HTRA3: variants seen among roughly 807,000 people sequenced by gnomAD.
The protein encoded by HTRA3 is HtrA serine peptidase 3.
In HTRA3, 41 loss-of-function variants were observed where a neutral mutation model predicts 43.2. That is an observed-to-expected ratio of 0.95 (90% CI 0.74 to 1.23). The LOEUF is 1.23. Among genes scored for constraint, HTRA3 ranks in the 50% most tolerant of loss-of-function variants. The pLI is 0.00. For missense variants in HTRA3, 628 were observed against 647.1 expected, an observed-to-expected ratio of 0.97 and a Z score of 0.32; for synonymous variants, 295 against 287.9, an observed-to-expected ratio of 1.02 and a Z score of -0.25.
chr4:8,275,844 G>C (rs1346529584), intron 1 of HTRA3, among the ~76,000 whole-genome samples: 1 of 152,224 alleles, frequency 6.6e-6, no homozygotes, highest in Non-Finnish European at 1.5e-5. Context: ...GGTCACTCAG[G>C]TAGGGATGGA....
At position 8,307,062 on chromosome 4, in the gene HTRA3, T is replaced by G. The variant is rs1198432095; in HGVS notation, c.*926T>G. 6.5e-6 allele frequency: 1 copy of G among 152,676 alleles called. No homozygotes were observed. Among genetic ancestry groups the G allele is most frequent in the East Asian group, 1.9e-4 (1 of 5,188 alleles). 9.5% of individuals were successfully genotyped at this position (152,676 alleles called of 1,614,324 possible). On this transcript the variant is annotated 3_prime_UTR_variant, in exon 9 of 9. Coordinates refer to ENST00000307358, the MANE Select transcript of HTRA3 (RefSeq NM_053044.5). This position sits in a 1 kb window ranked among gnomAD's most constrained non-coding sequence, Gnocchi z 6.1. Reference sequence around the variant, plus strand: ...TTCCCAGTGTTGCTTGTACTGTATGTTTCTCTACTGTATGGAAAATAAAGT... The same window carrying G: ...TTCCCAGTGTTGCTTGTACTGTATGGTTCTCTACTGTATGGAAAATAAAGT...
Position 8,286,761 on chromosome 4 carries a change from C to A in HTRA3, c.686C>A (p.Ala229Asp). The change falls in exon 3 of 9, where the codon GCC (alanine) becomes GAC (aspartate). Residue 229 changes from alanine to aspartate, a missense_variant. Physicochemically the swap from Ala to Asp is moderately radical, Grantham distance 126. Coordinates refer to ENST00000307358, the MANE Select transcript of HTRA3 (RefSeq NM_053044.5). This position sits in a 1 kb window ranked among gnomAD's most constrained non-coding sequence, Gnocchi z 4.9. ...IKDIDKKSDIATIKIHPKKKL... is the reference protein window; with the variant it reads ...IKDIDKKSDIDTIKIHPKKKL... ...GACATCGACAAGAAGTCGGACATTG[C>A]CACCATCAAGATCCATCCCAAGGTG... 1.2e-6 allele frequency: 2 copies of A among 1,613,820 alleles called. No homozygotes were observed. The highest frequency in any genetic ancestry group is 2.2e-5 in the South Asian group (2 of 91,072).
intron 7 of HTRA3, 46 bp downstream of exon 7, chr4:8,302,557 C>A: frequency 6.3e-7 from 1 of 1,586,660 alleles, no homozygotes; most frequent in Non-Finnish European, 8.7e-7. Context: ...TTCCTCTCAT[C>A]CCTCACCCTG....
intron 4 of HTRA3, 47 bp from the exon 5 acceptor site, chr4:8,292,274 C>T: frequency 6.3e-7 from 1 of 1,584,156 alleles, no homozygotes; most frequent in Non-Finnish European, 8.6e-7. Flanking sequence ...CTCCAGGAAG[C>T]CTCAGGCGGG....
chr4:8,278,587 C>G (rs1023371351), intron 1 of HTRA3, among the ~76,000 whole-genome samples: 1 of 152,152 alleles, frequency 6.6e-6, no homozygotes, highest in African/African-American at 2.4e-5. Context: ...CCCCCTGATT[C>G]ATGGCTGATT....
intron 3 of HTRA3, among the ~76,000 whole-genome samples, chr4:8,289,700 G>A (rs550862250): frequency 6.6e-6 from 1 of 152,320 alleles, no homozygotes; most frequent in South Asian, 2.1e-4. Context: ...GCATTAAATC[G>A]AGCCATGGGA....
At chr4:8,285,295 C>G (rs1712911239) in intron 2 of HTRA3, among the ~76,000 whole-genome samples, 1 of 152,228 alleles carries the variant, frequency 6.6e-6, no homozygotes, top group African/African-American at 2.4e-5. Flanking sequence ...ACAGCACCCC[C>G]CTTGCAGGGT....
chr4:8,286,055 C>T lies in HTRA3; in HGVS notation c.486-506C>T, dbSNP rs1414696579. Reference sequence around the variant, plus strand: ...CTGTGTGTGCAATGGGGCTTTTCCCCTAGGGCCAATTATTGTCCTGTTTGT... The same window carrying T: ...CTGTGTGTGCAATGGGGCTTTTCCCTTAGGGCCAATTATTGTCCTGTTTGT... On this transcript the variant is annotated intron_variant, in intron 2 of 8. Transcript: ENST00000307358. This position sits in a 1 kb window ranked among gnomAD's most constrained non-coding sequence, Gnocchi z 4.9. Among the ~76,000 whole-genome samples, 6 of 152,214 alleles carry T rather than the reference C, an allele frequency of 3.9e-5. No individual in the cohort carries two copies. The highest frequency in any genetic ancestry group is 1.5e-5 in the Non-Finnish European group (1 of 68,044).
intron 1 of HTRA3, among the ~76,000 whole-genome samples, chr4:8,277,647 C>T (rs564778131): frequency 7.2e-5 from 11 of 152,324 alleles, no homozygotes; most frequent in South Asian, 2.1e-4. Flanking sequence ...GGAGCCTGCA[C>T]GCGCAGGAAG....
chr4:8,279,475 C>T lies in HTRA3; in HGVS notation c.386-2962C>T, dbSNP rs904604659. On this transcript the variant is annotated intron_variant, in intron 1 of 8. Coordinates refer to ENST00000307358, the MANE Select transcript of HTRA3 (RefSeq NM_053044.5). The surrounding 1 kb of genome is among the most constrained non-coding windows in gnomAD (Gnocchi z 7.4). ...AGTGCTGTGCAGATCTTCAGGCTGCCGCGTCAGAGCTCAGGGGCCCAGCAG... is the reference window on the plus strand; with the variant it reads ...AGTGCTGTGCAGATCTTCAGGCTGCTGCGTCAGAGCTCAGGGGCCCAGCAG... 1.3e-5 allele frequency among the ~76,000 whole-genome samples: 2 copies of T among 152,054 alleles called. No individual in the cohort carries two copies. Among genetic ancestry groups the T allele is most frequent in the African/African-American group, 2.4e-5 (1 of 41,394 alleles).
At chr4:8,290,846 G>T (rs1057045862) in intron 3 of HTRA3, among the ~76,000 whole-genome samples, 2 of 152,216 alleles carry the variant, frequency 1.3e-5, no homozygotes, top group Non-Finnish European at 2.9e-5. Context: ...TCGGCTAGTG[G>T]CTTCACTTCT....
At chr4:8,280,233 C>T (rs759828835) in intron 1 of HTRA3, among the ~76,000 whole-genome samples, 7 of 152,124 alleles carry the variant, frequency 4.6e-5, no homozygotes, top group Admixed American at 1.3e-4. Context: ...TCTCCTCAGG[C>T]GAGGCACATG....
At position 8,297,440 on chromosome 4, in the gene HTRA3, GCCAGAGGTCCTGCCCT is replaced by G. The variant is rs373002418; in HGVS notation, c.1051+3242_1051+3257del. ...GGCTCTGTGTCTTGGACTCCTGTGAGCCAGAGGTCCTGCCCTCCCGCTTTCCTTCTAGCAGGGAGAC... is the reference window on the plus strand; with the variant it reads ...GGCTCTGTGTCTTGGACTCCTGTGAGCCCGCTTTCCTTCTAGCAGGGAGAC... On this transcript the variant is annotated intron_variant, in intron 6 of 8. Coordinates refer to ENST00000307358, the MANE Select transcript of HTRA3 (RefSeq NM_053044.5). This position sits in a 1 kb window ranked among gnomAD's most constrained non-coding sequence, Gnocchi z 5.8. Among the ~76,000 whole-genome samples, 4,396 of 152,250 alleles carry G rather than the reference GCCAGAGGTCCTGCCCT, an allele frequency of 0.029. 96 individuals carry two copies. The highest frequency in any genetic ancestry group is 0.048 in the Non-Finnish European group (3,255 of 68,008).
In HTRA3 at chr4:8,270,089, G is replaced by T; in HGVS notation, c.121G>T (p.Gly41Cys). The T allele has an allele frequency of 6.5e-7, 1 of 1,530,222 alleles. No homozygotes were observed. The highest frequency in any genetic ancestry group is 8.7e-7 in the Non-Finnish European group (1 of 1,150,154). The allele number at this position is 1,530,222 out of a possible 1,614,324, so 94.8% of individuals were successfully genotyped here. A position where few individuals can be genotyped will look rare whatever the true frequency, so the allele number is the denominator to read the frequency against. ...VSRCPSPRCP[G>C]GYVPDLCNCC... ...GCGGTGTCCCAGCCCCCGCTGCCCC[G>T]GCGGCTACGTGCCCGACCTCTGCAA... Residue 41 changes from glycine to cysteine, a missense_variant, in exon 1 of 9, where the codon GGC (glycine) becomes TGC (cysteine). By Grantham distance (159) the Gly-to-Cys change is radical. Coordinates refer to ENST00000307358, the MANE Select transcript of HTRA3 (RefSeq NM_053044.5).
chr4:8,303,200 C>T (rs574986844), intron 7 of HTRA3, among the ~76,000 whole-genome samples: 2 of 152,318 alleles, frequency 1.3e-5, no homozygotes, highest in African/African-American at 4.8e-5. Context: ...GAAGGTGCCT[C>T]CTCATAGCAC....
rs1294698239 is a variant in HTRA3 at position 8,286,401 on chromosome 4, C to T, written c.486-160C>T. Among the ~76,000 whole-genome samples the T allele has an allele frequency of 6.6e-6, 1 of 152,148 alleles. No homozygotes were observed. The highest frequency in any genetic ancestry group is 1.5e-5 in the Non-Finnish European group (1 of 68,026). On this transcript the variant is annotated intron_variant, in intron 2 of 8. Transcript: ENST00000307358. The surrounding 1 kb of genome is among the most constrained non-coding windows in gnomAD (Gnocchi z 4.9). Reference sequence around the variant, plus strand: ...GCAGGCGCCGGTGACTTGGCCAGGTCACAGGGCCAGGATTCAAATGGGAGC... The same window carrying T: ...GCAGGCGCCGGTGACTTGGCCAGGTTACAGGGCCAGGATTCAAATGGGAGC...
chr4:8,300,056 T>G (rs566679023), intron 6 of HTRA3, among the ~76,000 whole-genome samples: 1 of 152,324 alleles, frequency 6.6e-6, no homozygotes, highest in Non-Finnish European at 1.5e-5. Flanking sequence ...GCCAGGCTGG[T>G]CTCAGACTCC....
intron 2 of HTRA3, among the ~76,000 whole-genome samples, chr4:8,283,338 G>A (rs1712833096): frequency 6.6e-6 from 1 of 152,154 alleles, no homozygotes. Flanking sequence ...CACAGGCAAA[G>A]CCTCCTCCCC....
rs995255099 is a variant in HTRA3, at chr4:8,298,031, G to A, written c.1051+3830G>A. ...CCAGGCTTCAGGATGCATCCACCCCGGGCCTCGTCGCCGCTCCGCCTCCAC... is the reference window on the plus strand; with the variant it reads ...CCAGGCTTCAGGATGCATCCACCCCAGGCCTCGTCGCCGCTCCGCCTCCAC... On this transcript the variant is annotated intron_variant, in intron 6 of 8. Coordinates refer to ENST00000307358, the MANE Select transcript of HTRA3 (RefSeq NM_053044.5). Among the ~76,000 whole-genome samples, 8 of 152,246 alleles carry A rather than the reference G, an allele frequency of 5.3e-5. No individual in the cohort carries two copies. In the South Asian group the frequency reaches 8.3e-4, roughly 16 times the overall value.
Sources: allele counts gnomAD v4.1 joint callset (sites outside exome capture counted in the v4.1 genomes callset), GRCh38; gene constraint gnomAD v4.1.1; non-coding constraint Gnocchi (gnomAD v3.1); transcripts MANE v1.5; gene names NCBI Gene and HGNC (gene_info 2026-07-23, HGNC 2026-07-21).